CHN1: variants seen among roughly 807,000 people sequenced by gnomAD.
CHN1 encodes N-chimaerin.
CHN1 carries 37 observed loss-of-function variants against 59.5 expected under a neutral mutation model. The observed-to-expected ratio is 0.62, with a 90% CI of 0.48 to 0.82. The LOEUF is 0.82. Ranked by LOEUF, CHN1 falls within the 40% of genes least tolerant of loss-of-function variation. The pLI is 0.00. For missense variants in CHN1, 469 were observed against 571.0 expected (o/e 0.82, Z 1.82); for synonymous variants, 206 against 200.4 (o/e 1.03, Z -0.24).
chr2:174,969,365 A>G (rs758764167), intron 1 of CHN1, among the ~76,000 whole-genome samples: 1 of 152,142 alleles, frequency 6.6e-6, no homozygotes, highest in Non-Finnish European at 1.5e-5. Context: ...CCCAACTACA[A>G]ATCAGAATCT....
rs75556030 is a variant in CHN1 at position 174,801,990 on chromosome 2, T to G, written c.1103-178A>C. 4.2e-4 allele frequency: 205 copies of G among 490,680 alleles called. No individual in the cohort carries two copies. In the East Asian group the frequency reaches 7.7e-3, roughly 18 times the overall value. 30.4% of individuals were successfully genotyped at this position (490,680 alleles called of 1,614,324 possible). A position where few individuals can be genotyped will look rare whatever the true frequency, so the allele number is the denominator to read the frequency against. On this transcript the variant is annotated intron_variant, in intron 11 of 12. Coordinates refer to ENST00000409900, the MANE Select transcript of CHN1 (RefSeq NM_001822.7). ...GGTTCAAGTCCAGATTTCCAAAGGC[T>G]CTTAGTTTCAATGTGGCAACACTAT...
intron 5 of CHN1, among the ~76,000 whole-genome samples, chr2:174,885,051 G>A (rs551776820): frequency 6.6e-5 from 10 of 152,020 alleles, no homozygotes; most frequent in African/African-American, 2.2e-4. Context: ...ACTTTGGGAG[G>A]CCAAGGTGGG....
chr2:175,004,221 G>A (rs1452037609), intron 1 of CHN1, among the ~76,000 whole-genome samples: 1 of 152,176 alleles, frequency 6.6e-6, no homozygotes. Flanking sequence ...AAAACAGCTT[G>A]AAGTCTTAAC....
chr2:174,985,730 A>T (rs1691316583), intron 1 of CHN1, among the ~76,000 whole-genome samples: 1 of 152,198 alleles, frequency 6.6e-6, no homozygotes, highest in Admixed American at 6.5e-5. Flanking sequence ...TTAAAATGTT[A>T]AATTGAAGCT....
intron 1 of CHN1, among the ~76,000 whole-genome samples, chr2:174,972,520 T>C (rs1177392704): frequency 1.3e-5 from 2 of 152,172 alleles, no homozygotes; most frequent in Non-Finnish European, 2.9e-5. Context: ...AATCACTTTG[T>C]TGGGGATGAT....
chr2:174,952,978 TC>T (rs1488847387), intron 1 of CHN1, among the ~76,000 whole-genome samples: 3 of 152,178 alleles, frequency 2.0e-5, no homozygotes, highest in Non-Finnish European at 4.4e-5. Context: ...TGGCTTCTCA[TC>T]AGTAAAGCAT....
At chr2:174,855,208 C>T (rs186046412) in intron 6 of CHN1, among the ~76,000 whole-genome samples, 1 of 152,218 alleles carries the variant, frequency 6.6e-6, no homozygotes, top group East Asian at 1.9e-4. Flanking sequence ...CATAAAAAGC[C>T]ACCTCCTTTG....
At chr2:174,899,734 T>G (rs1688329361) in intron 5 of CHN1, among the ~76,000 whole-genome samples, 1 of 152,220 alleles carries the variant, frequency 6.6e-6, no homozygotes, top group Non-Finnish European at 1.5e-5. Context: ...TTGAGGAGCT[T>G]GTCAAATTCC....
At position 174,868,869 on chromosome 2, in the gene CHN1, A is replaced by G. The variant is rs540717074; in HGVS notation, c.549+8971T>C. Among the ~76,000 whole-genome samples the G allele has an allele frequency of 5.3e-5, 8 of 152,328 alleles. No individual in the cohort carries two copies. In the South Asian group the frequency reaches 1.0e-3, roughly 20 times the overall value. ...GAAACTCTGAAATCATACAACTGCC[A>G]TAATTTTCCCATTTGAGTTAGACTG... On this transcript the variant is annotated intron_variant, in intron 6 of 12. Transcript: ENST00000409900.
At chr2:174,952,257 C>G in intron 1 of CHN1, 55 bp from the exon 2 acceptor site, 1 of 1,015,958 alleles carries the variant, frequency 9.8e-7, no homozygotes, top group Non-Finnish European at 1.4e-6. Context: ...TTAAATGAGA[C>G]ATTTTAATCA....
At chr2:174,873,218 G>A (rs940006429) in intron 6 of CHN1, among the ~76,000 whole-genome samples, 5 of 152,086 alleles carry the variant, frequency 3.3e-5, no homozygotes, top group Non-Finnish European at 1.5e-5. Flanking sequence ...TCTTAACCTT[G>A]AACAAGCCAC....
At chr2:174,845,778 G>T (rs1686486172) in intron 7 of CHN1, among the ~76,000 whole-genome samples, 1 of 87,424 alleles carries the variant, frequency 1.1e-5, no homozygotes. Context: ...CAGAGCATAT[G>T]GGTGGGGGGG....
intron 3 of CHN1, among the ~76,000 whole-genome samples, chr2:174,923,726 C>G (rs2105379307): frequency 6.6e-6 from 1 of 152,282 alleles, no homozygotes; most frequent in African/African-American, 2.4e-5. Context: ...AAGACAAATA[C>G]TGATTATTTA....
intron 8 of CHN1, among the ~76,000 whole-genome samples, chr2:174,823,437 G>T (rs560402446): frequency 8.8e-4 from 134 of 152,302 alleles, no homozygotes; most frequent in Non-Finnish European, 1.5e-3. Flanking sequence ...GCTGAGGCGG[G>T]TGGATCACGA....
At chr2:174,929,051 T>A (rs1414623700) in intron 3 of CHN1, among the ~76,000 whole-genome samples, 1 of 152,156 alleles carries the variant, frequency 6.6e-6, no homozygotes, top group African/African-American at 2.4e-5. Context: ...CTTCTATTAC[T>A]CCATTTGTAG....
At chr2:174,826,868 A>G (rs62183315) in intron 7 of CHN1, among the ~76,000 whole-genome samples, 3,763 of 152,198 alleles carry the variant, frequency 0.025, 77 homozygotes, top group Admixed American at 0.065. Context: ...GGATATTGTT[A>G]TTTATTTACA....
chr2:174,974,898 T>C (rs55727919), intron 1 of CHN1, among the ~76,000 whole-genome samples: 41,743 of 144,408 alleles, frequency 0.29, 7,274 homozygotes, highest in Admixed American at 0.44. Context: ...AAATAATTAA[T>C]ACACACACAC....
At chr2:174,875,359 T>G (rs1459985374) in intron 6 of CHN1, among the ~76,000 whole-genome samples, 1 of 152,136 alleles carries the variant, frequency 6.6e-6, no homozygotes, top group Non-Finnish European at 1.5e-5. Flanking sequence ...AGTTGGTGAA[T>G]AAACTAAAAG....
chr2:174,965,686 C>T (rs557481461), intron 1 of CHN1, among the ~76,000 whole-genome samples: 2 of 152,248 alleles, frequency 1.3e-5, no homozygotes, highest in Admixed American at 6.5e-5. Context: ...CATTTCTTCC[C>T]TTCAAATGAA....
Sources: allele counts gnomAD v4.1 joint callset (sites outside exome capture counted in the v4.1 genomes callset), GRCh38; gene constraint gnomAD v4.1.1; transcripts MANE v1.5; gene names NCBI Gene and HGNC (gene_info 2026-07-23, HGNC 2026-07-21).